P2RY8: variants seen among roughly 807,000 people sequenced by gnomAD.
P2RY8 encodes S-geranylgeranyl-glutathione receptor P2RY8.
In P2RY8, 6 loss-of-function variants were observed where a neutral mutation model predicts 10.0. The observed-to-expected ratio is 0.60, with a 90% CI of 0.33 to 1.19. P2RY8 has a LOEUF of 1.19. P2RY8 is among the 50% of genes most tolerant of loss of function. The probability of loss-of-function intolerance (pLI) is 0.04; values close to 1 mark genes in which losing one functional copy is unlikely to be tolerated. For synonymous variants in P2RY8, 276 were observed against 252.5 expected (o/e 1.09, Z -0.88); for missense variants, 456 against 542.0 (o/e 0.84, Z 1.58).
chrX:1,508,853 TCATCCATC>T (rs751802821), intron 1 of P2RY8, among the ~76,000 whole-genome samples: 38,636 of 142,314 alleles, frequency 0.27, 1,863 homozygotes, highest in African/African-American at 0.36. Flanking sequence ...ATCCATCCAT[TCATCCATC>T]CATCCATCCA....
chrX:1,481,146 T>C (rs1166200915), intron 1 of P2RY8, among the ~76,000 whole-genome samples: 1 of 151,274 alleles, frequency 6.6e-6, no homozygotes, highest in East Asian at 1.9e-4. Flanking sequence ...CTCTGACCTT[T>C]AGGTCACTCT....
chrX:1,472,658 G>A (rs1484851139), intron 1 of P2RY8, among the ~76,000 whole-genome samples: 1 of 134,028 alleles, frequency 7.5e-6, no homozygotes, highest in Non-Finnish European at 1.6e-5. Context: ...ATGGATGGGA[G>A]GATGTATGGA....
At chrX:1,490,394 A>G (rs1286075037) in intron 1 of P2RY8, among the ~76,000 whole-genome samples, 5 of 150,498 alleles carry the variant, frequency 3.3e-5, no homozygotes, top group Admixed American at 6.6e-5. Context: ...ATGTGGAGGG[A>G]ATGAATGAAT....
intron 1 of P2RY8, among the ~76,000 whole-genome samples, chrX:1,521,597 T>C (rs1413780016): frequency 1.3e-5 from 2 of 152,316 alleles, no homozygotes; most frequent in East Asian, 1.9e-4. Context: ...TCTGCATTTG[T>C]CTGCAGGAAG....
intron 1 of P2RY8, among the ~76,000 whole-genome samples, chrX:1,467,369 G>C (rs1452990846): frequency 6.6e-6 from 1 of 152,044 alleles, no homozygotes; most frequent in Non-Finnish European, 1.5e-5. Flanking sequence ...CGGAGTTTTC[G>C]TTTCAGTTTC....
At chrX:1,482,446 T>G (rs765314406) in intron 1 of P2RY8, among the ~76,000 whole-genome samples, 1 of 152,208 alleles carries the variant, frequency 6.6e-6, no homozygotes, top group Admixed American at 6.5e-5. Flanking sequence ...GGCAGACAGA[T>G]TCATTTAACA....
At chrX:1,476,606 A>G (rs2091877129) in intron 1 of P2RY8, among the ~76,000 whole-genome samples, 1 of 151,684 alleles carries the variant, frequency 6.6e-6, no homozygotes, top group Admixed American at 6.6e-5. Context: ...AAAAAAAAAG[A>G]AATATAATGG....
chrX:1,505,535 CA>C (rs1228396980), intron 1 of P2RY8, among the ~76,000 whole-genome samples: 1 of 152,062 alleles, frequency 6.6e-6, no homozygotes, highest in African/African-American at 2.4e-5. Context: ...TCGGAAGATA[CA>C]AAAAGCCTTC....
intron 1 of P2RY8, among the ~76,000 whole-genome samples, chrX:1,523,976 C>A (rs1225243292): frequency 1.1e-4 from 16 of 152,204 alleles, no homozygotes; most frequent in Non-Finnish European, 2.1e-4. Context: ...CAGGCATGAG[C>A]CACTGTGCCC....
At chrX:1,534,032 C>G (rs187565617) in intron 1 of P2RY8, among the ~76,000 whole-genome samples, 9,434 of 121,326 alleles carry the variant, frequency 0.078, 490 homozygotes, top group Non-Finnish European at 0.11. Flanking sequence ...ATATTATATA[C>G]TTATCTATTT....
At chrX:1,508,047 C>T (rs1215094494) in intron 1 of P2RY8, among the ~76,000 whole-genome samples, 5 of 152,122 alleles carry the variant, frequency 3.3e-5, no homozygotes, top group African/African-American at 1.2e-4. Flanking sequence ...CCTCTCATCA[C>T]GATGCCCCTG....
intron 1 of P2RY8, among the ~76,000 whole-genome samples, chrX:1,499,086 G>A (rs2092149000): frequency 6.6e-6 from 1 of 151,528 alleles, no homozygotes; most frequent in Non-Finnish European, 1.5e-5. Context: ...ACCCGCCTCA[G>A]CCTTCCAAAG....
intron 1 of P2RY8, among the ~76,000 whole-genome samples, chrX:1,510,437 G>A (rs1456616967): frequency 1.3e-5 from 2 of 152,046 alleles, no homozygotes; most frequent in South Asian, 2.1e-4. Context: ...GCTCACTCAC[G>A]GATCCCCTGC....
intron 1 of P2RY8, among the ~76,000 whole-genome samples, chrX:1,507,310 C>T (rs1369039207): frequency 1.1e-4 from 16 of 152,030 alleles, no homozygotes; most frequent in African/African-American, 1.7e-4. Flanking sequence ...TTTCACCGGA[C>T]GAGATGAGAC....
chrX:1,486,503 T>A (rs1325936295), intron 1 of P2RY8, among the ~76,000 whole-genome samples: 1 of 152,126 alleles, frequency 6.6e-6, no homozygotes, highest in African/African-American at 2.4e-5. Flanking sequence ...TTCAATAAAA[T>A]GCCCAGAACA....
intron 1 of P2RY8, among the ~76,000 whole-genome samples, chrX:1,475,252 T>G (rs2091862410): frequency 6.9e-6 from 1 of 144,866 alleles, no homozygotes; most frequent in Non-Finnish European, 1.5e-5. Context: ...GGTAGGTGGA[T>G]GGATGGGTGG....
rs753171521 is a variant in P2RY8, at chrX:1,466,594, G to A, written c.-24-12C>T. The stretch of plus-strand genomic sequence containing the variant: ...TCCTCGCCCGGGCTCTGCAAGGGAA[G>A]GAGGGAAGGGTGTACGGGTCAGGGG... On this transcript the variant is annotated splice_polypyrimidine_tract_variant and intron_variant, in intron 1 of 1. Coordinates refer to ENST00000381297, the MANE Select transcript of P2RY8 (RefSeq NM_178129.5). 2 of 1,581,726 alleles carry A rather than the reference G, an allele frequency of 1.3e-6. No homozygotes were observed. Among genetic ancestry groups the A allele is most frequent in the African/African-American group, 1.3e-5 (1 of 74,582 alleles).
chrX:1,476,777 G>T (rs2091879167), intron 1 of P2RY8, among the ~76,000 whole-genome samples: 1 of 152,082 alleles, frequency 6.6e-6, no homozygotes, highest in Non-Finnish European at 1.5e-5. Context: ...GATCTGGTGG[G>T]TGGAGCCCAG....
Position 1,464,110 on chromosome X carries a change from G to A in P2RY8, c.*1369C>T, listed in dbSNP as rs369676800. On this transcript the variant is annotated 3_prime_UTR_variant, in exon 2 of 2. Transcript: ENST00000381297. ...CCCAGTGCACAGAAAGGGAGGGGCCGGGCATCCAAGGCCACCCACTGCGGA... is the reference window on the plus strand; with the variant it reads ...CCCAGTGCACAGAAAGGGAGGGGCCAGGCATCCAAGGCCACCCACTGCGGA... 3.9e-5 allele frequency: 9 copies of A among 233,304 alleles called. No individual in the cohort carries two copies. Among genetic ancestry groups the A allele is most frequent in the Middle Eastern group, 2.5e-3 (2 of 788 alleles). The allele number at this position is 233,304 out of a possible 1,614,324, so 14.5% of individuals were successfully genotyped here. A position where few individuals can be genotyped will look rare whatever the true frequency, so the allele number is the denominator to read the frequency against.
Sources: allele counts gnomAD v4.1 joint callset (sites outside exome capture counted in the v4.1 genomes callset), GRCh38; gene constraint gnomAD v4.1.1; transcripts MANE v1.5; gene names NCBI Gene and HGNC (gene_info 2026-07-23, HGNC 2026-07-21).